LZTR1: variants seen among roughly 807,000 people sequenced by gnomAD.
LZTR1 encodes the protein leucine-zipper-like transcriptional regulator 1.
A neutral mutation model predicts 105.7 loss-of-function variants in LZTR1; 260 were observed. The observed-to-expected ratio is 2.46, with a 90% CI of 2.22 to 2.72. LZTR1 has a LOEUF of 2.72. LZTR1 is among the 30% of genes most tolerant of loss of function. LZTR1 has a pLI of 0.00. For synonymous variants in LZTR1, 490 were observed against 476.4 expected (o/e 1.03, Z -0.37); for missense variants, 1,214 against 1,166.9 (o/e 1.04, Z -0.59).
chr22:20,996,219 C>G, intron 18 of LZTR1, 107 bp downstream of exon 18: 1 of 1,244,342 alleles, frequency 8.0e-7, no homozygotes, highest in South Asian at 1.4e-5. Flanking sequence ...TGATCTGGGC[C>G]CAGCGCCTCC....
chr22:20,985,806 G>A (rs777386554), intron 2 of LZTR1, 35 bp from the exon 3 acceptor site: 1 of 1,610,334 alleles, frequency 6.2e-7, no homozygotes, highest in South Asian at 1.1e-5. Context: ...GAGTAGACCT[G>A]GCTAATGCCA....
chr22:20,982,827 G>A (rs997446978), intron 1 of LZTR1, among the ~76,000 whole-genome samples, 200 bp from the exon 2 acceptor site: 5 of 152,182 alleles, frequency 3.3e-5, no homozygotes, highest in African/African-American at 1.2e-4. Flanking sequence ...CTCTGAGGTG[G>A]GGTGAGGAGT....
At position 20,994,605 on chromosome 22, in the gene LZTR1, C is replaced by G. The variant is rs956463805; in HGVS notation, c.1663C>G (p.Leu555Val). The G allele has an allele frequency of 1.2e-6, 2 of 1,612,598 alleles. No individual in the cohort carries two copies. Among genetic ancestry groups the G allele is most frequent in the Admixed American group, 1.7e-5 (1 of 60,034 alleles). ...CATCATGGATGTGTACAAACTGGCA[C>G]TGAGCTTCCAGTTGTGCCGCCTGGA... ...LLIMDVYKLA[L>V]SFQLCRLEQL... Residue 555 changes from leucine to valine, a missense_variant, in exon 15 of 21, where the codon CTG becomes GTG. Physicochemically the swap from Leu to Val is conservative, Grantham distance 32 (BLOSUM62 1). Transcript: ENST00000646124.
Position 20,994,227 on chromosome 22 carries a change from A to G in LZTR1, c.1573A>G (p.Met525Val). The change falls in exon 14 of 21, where the codon ATG becomes GTG. Residue 525 changes from methionine (M) to valine (V), a missense_variant. Transcript: ENST00000646124. ...EAEARPFEVL[M>V]QFLYTDKIKY... ...CGAGGCCCGGCCCTTCGAGGTGCTC[A>G]TGCAGTTCCTCTACACCGACAAGAT... 2 of 1,600,578 alleles carry G rather than the reference A, an allele frequency of 1.2e-6. No individual in the cohort carries two copies. The highest frequency in any genetic ancestry group is 1.7e-6 in the Non-Finnish European group (2 of 1,179,534).
In LZTR1 at chr22:20,997,603, T is replaced by G. The variant is rs544907479; in HGVS notation, c.*255T>G. On this transcript the variant is annotated 3_prime_UTR_variant, in exon 21 of 21. Coordinates refer to ENST00000646124, the MANE Select transcript of LZTR1 (RefSeq NM_006767.4). ...GTCATCACCCTCTCCTGGTGTAGTGTGGATGCGAGGCCACGGCTCAGTGAT... is the reference window on the plus strand; with the variant it reads ...GTCATCACCCTCTCCTGGTGTAGTGGGGATGCGAGGCCACGGCTCAGTGAT... 7.2e-6 allele frequency: 3 copies of G among 417,456 alleles called. No homozygotes were observed. The East Asian group carries it at 1.3e-4, about 18-fold the overall frequency. The allele number at this position is 417,456 out of a possible 1,614,324, so 25.9% of individuals were successfully genotyped here.
intron 6 of LZTR1, 33 bp from the exon 7 acceptor site, chr22:20,989,592 C>T (rs564888698): frequency 1.3e-6 from 2 of 1,597,726 alleles, no homozygotes; most frequent in East Asian, 2.2e-5. Context: ...ACCACCAGAC[C>T]CAAGGGGTCC....
chr22:20,995,792 C>G lies in LZTR1; in HGVS notation c.1989C>G (p.Gly663=). The change falls in exon 17 of 21, where the codon GGC becomes GGG. Residue 663 remains glycine, a synonymous_variant. Coordinates refer to ENST00000646124, the MANE Select transcript of LZTR1 (RefSeq NM_006767.4). ...TGAAGGCATACCTGGAGGGAGCGGG[C>G]GCGGAATTCTGTGACATCACTCTGT... ...QDMKAYLEGA[G]AEFCDITLLL... The G allele has an allele frequency of 6.2e-7, 1 of 1,613,498 alleles. No individual in the cohort carries two copies. The highest frequency in any genetic ancestry group is 2.2e-5 in the East Asian group (1 of 44,852).
rs1326675894 is a variant in LZTR1 at position 20,992,299 on chromosome 22, A to G, written c.1079A>G (p.Lys360Arg). 1 of 1,613,980 alleles carries G rather than the reference A, an allele frequency of 6.2e-7. No individual in the cohort carries two copies. The highest frequency in any genetic ancestry group is 2.2e-5 in the East Asian group (1 of 44,874). Residue 360 changes from lysine to arginine, a missense_variant, in exon 10 of 21, where the codon AAG (lysine) becomes AGG (arginine). Lys to Arg is a conservative substitution (Grantham distance 26). Coordinates refer to ENST00000646124, the MANE Select transcript of LZTR1 (RefSeq NM_006767.4). ...TATGAGGAGCGGGTTGGCTTCAAGA[A>G]GTCCCGAGATGTGTTTGGCCTGGAC... ...LTYEERVGFKKSRDVFGLDFG... is the reference protein window; with the variant it reads ...LTYEERVGFKRSRDVFGLDFG...
rs1293262915 is a variant in LZTR1 at position 20,991,513 on chromosome 22, G to A, written c.792-115G>A. The stretch of plus-strand genomic sequence containing the variant: ...TCTAGGCCCTCCCTCTGGACCCTGG[G>A]CTAGTCACCGTAAGGGATGCAGGGG... On this transcript the variant is annotated intron_variant, in intron 8 of 20. Transcript: ENST00000646124. 2.9e-5 allele frequency: 23 copies of A among 806,736 alleles called. No individual in the cohort carries two copies. In the Admixed American group the frequency reaches 5.3e-4, roughly 19 times the overall value. The allele number at this position is 806,736 out of a possible 1,614,324, so 50.0% of individuals were successfully genotyped here.
Position 20,994,868 on chromosome 22 carries a change from A to G in LZTR1, c.1786-2A>G, listed in dbSNP as rs2147968271. ...CTGCCTGCCTGTGCCTGTCTGCCCCAGGAGCACTGCCTGAACTTCGTGGTA... is the reference window on the plus strand; with the variant it reads ...CTGCCTGCCTGTGCCTGTCTGCCCCGGGAGCACTGCCTGAACTTCGTGGTA... On this transcript the variant is annotated splice_acceptor_variant, in intron 15 of 20. Coordinates refer to ENST00000646124, the MANE Select transcript of LZTR1 (RefSeq NM_006767.4). LOFTEE classifies it high-confidence loss of function. The G allele has an allele frequency of 6.2e-7, 1 of 1,613,140 alleles. No individual in the cohort carries two copies. The highest frequency in any genetic ancestry group is 1.3e-5 in the African/African-American group (1 of 75,024).
chr22:20,993,813 C>A, intron 12 of LZTR1, 59 bp downstream of exon 12: 1 of 1,575,638 alleles, frequency 6.3e-7, no homozygotes, highest in Admixed American at 1.8e-5. Context: ...GGGAATTTCG[C>A]CCCTCAGAAA....
rs73879459 is a variant in LZTR1 at position 20,984,168 on chromosome 22, A to G, written c.263+1079A>G. 7.9e-3 allele frequency among the ~76,000 whole-genome samples: 1,198 copies of G among 152,280 alleles called. 15 individuals carry two copies. The highest frequency in any genetic ancestry group is 0.027 in the African/African-American group (1,140 of 41,540). On this transcript the variant is annotated intron_variant, in intron 2 of 20. Coordinates refer to ENST00000646124, the MANE Select transcript of LZTR1 (RefSeq NM_006767.4). The stretch of plus-strand genomic sequence containing the variant: ...AACTGGAGACCATTGCTTCCCCTCC[A>G]TACCTCTTACCATCTTCATTTGTTC...
chr22:20,991,927 T>C, intron 9 of LZTR1, 98 bp downstream of exon 9: 1 of 1,187,636 alleles, frequency 8.4e-7, no homozygotes, highest in South Asian at 1.5e-5. Flanking sequence ...CCCCCTGGGG[T>C]TCCAGACAGC....
chr22:20,996,076 A>C lies in LZTR1; in HGVS notation c.2183A>C (p.Tyr728Ser). 1 of 1,613,216 alleles carries C rather than the reference A, an allele frequency of 6.2e-7. No homozygotes were observed. Among genetic ancestry groups the C allele is most frequent in the Non-Finnish European group, 8.5e-7 (1 of 1,179,968 alleles). ...QAFESMLRYI[Y>S]YGEVNMPPED... is the part of the protein sequence containing the mutation. Reference sequence around the variant, plus strand: ...TTCGAGTCCATGCTGCGCTACATCTACTACGGCGAGGTCAACATGCCGCCC... The same window carrying C: ...TTCGAGTCCATGCTGCGCTACATCTCCTACGGCGAGGTCAACATGCCGCCC... The change falls in exon 18 of 21, where the codon TAC (tyrosine) becomes TCC (serine). Residue 728 changes from tyrosine (Y) to serine (S), a missense_variant. Transcript: ENST00000646124.
intron 14 of LZTR1, 73 bp from the exon 15 acceptor site, chr22:20,994,485 G>C (rs1483297475): frequency 2.0e-6 from 3 of 1,502,016 alleles, no homozygotes; most frequent in South Asian, 2.3e-5. Flanking sequence ...ACTCTTCCAT[G>C]GGGGGAGCCC....
chr22:20,994,898 A>G lies in LZTR1; in HGVS notation c.1814A>G (p.Glu605Gly), dbSNP rs1485624337. The G allele has an allele frequency of 6.2e-7, 1 of 1,613,366 alleles. No individual in the cohort carries two copies. The highest frequency in any genetic ancestry group is 1.7e-5 in the Admixed American group (1 of 60,030). ...CACTGCCTGAACTTCGTGGTAAAGG[A>G]GTCCCACTTCAACCAGGTGATCATG... is the stretch of plus-strand genomic sequence containing the variant. The part of the protein sequence containing the change: ...KEHCLNFVVK[E>G]SHFNQVIMMK... The change falls in exon 16 of 21, where the codon GAG becomes GGG. Residue 605 changes from glutamate (E) to glycine (G), a missense_variant. Transcript: ENST00000646124.
At chr22:20,996,233 C>A in intron 18 of LZTR1, 121 bp downstream of exon 18, 3 of 1,142,814 alleles carry the variant, frequency 2.6e-6, no homozygotes, top group Admixed American at 2.1e-5. Context: ...CGCCTCCCTC[C>A]AGAGGGTTTG....
intron 16 of LZTR1, 155 bp from the exon 17 acceptor site, chr22:20,995,591 T>C (rs1182127959): frequency 1.1e-6 from 1 of 901,090 alleles, no homozygotes; most frequent in Non-Finnish European, 1.8e-6. Flanking sequence ...GAGGACAGAA[T>C]GTGGCTGATG....
rs1181518325 is a variant in LZTR1, at chr22:20,996,199, C to T, written c.2219+87C>T. On this transcript the variant is annotated intron_variant, in intron 18 of 20. Coordinates refer to ENST00000646124, the MANE Select transcript of LZTR1 (RefSeq NM_006767.4). ...GTGGCTTTGAGGCCCGCTCTCCTGC[C>T]CCAGCTAGGTGATCTGGGCCCAGCG... 10 of 1,441,068 alleles carry T rather than the reference C, an allele frequency of 6.9e-6. No homozygotes were observed. In the Admixed American group the frequency reaches 1.2e-4, roughly 18 times the overall value. The allele number at this position is 1,441,068 out of a possible 1,614,324, so 89.3% of individuals were successfully genotyped here.
Sources: gnomAD v4.1 joint callset for allele counts (sites outside exome capture counted in the v4.1 genomes callset) on GRCh38, gnomAD v4.1.1 for gene constraint, MANE v1.5 for transcripts, NCBI Gene and HGNC (gene_info 2026-07-23, HGNC 2026-07-21) for gene names.